Variants in ENOX1 observed in about 807,000 individuals in gnomAD.
The protein encoded by ENOX1 is ecto-NOX disulfide-thiol exchanger 1.
Under a neutral mutation model 82.5 loss-of-function variants are expected in ENOX1, and 42 were observed. That is an observed-to-expected ratio of 0.51 (90% CI 0.40 to 0.66). ENOX1 has a LOEUF of 0.66. ENOX1 is among the 30% of genes least tolerant of loss of function. ENOX1 has a pLI of 0.00. For synonymous variants in ENOX1, 271 were observed against 282.2 expected (o/e 0.96, Z 0.40); for missense variants, 608 against 811.6 (o/e 0.75, Z 3.05).
At chr13:43,626,975 C>G (rs1034355787) in intron 2 of ENOX1, among the ~76,000 whole-genome samples, 1 of 151,842 alleles carries the variant, frequency 6.6e-6, no homozygotes, top group African/African-American at 2.4e-5. Flanking sequence ...GCTGTTGTCT[C>G]GTGCATTAAC....
chr13:43,422,969 C>T (rs977533935), intron 3 of ENOX1, among the ~76,000 whole-genome samples: 5 of 152,158 alleles, frequency 3.3e-5, no homozygotes, highest in African/African-American at 1.2e-4. Flanking sequence ...GGCCTTGATG[C>T]TACTATGGTA....
Position 43,577,161 on chromosome 13 carries a change from T to G in ENOX1, c.-219+90318A>C, listed in dbSNP as rs576244491. ...TTTTCTTTTTTTTTGAGACAGAGTC[T>G]CGCTCAGTCGCCCAGGCTGGAGTGC... On this transcript the variant is annotated intron_variant, in intron 2 of 16. Transcript: ENST00000690772. Among the ~76,000 whole-genome samples, 5 of 152,046 alleles carry G rather than the reference T, an allele frequency of 3.3e-5. No individual in the cohort carries two copies. In the South Asian group the frequency reaches 1.0e-3, roughly 32 times the overall value.
At chr13:43,494,513 T>C (rs1019693284) in intron 2 of ENOX1, among the ~76,000 whole-genome samples, 1 of 152,342 alleles carries the variant, frequency 6.6e-6, no homozygotes. Flanking sequence ...AACTAACTTA[T>C]TGTTTACGAT....
chr13:43,460,742 A>G (rs9525779), intron 3 of ENOX1, among the ~76,000 whole-genome samples: 70,668 of 145,256 alleles, frequency 0.49, 17,474 homozygotes, highest in African/African-American at 0.54. Flanking sequence ...TGCAGTGGGC[A>G]GAGATCGCAC....
intron 2 of ENOX1, among the ~76,000 whole-genome samples, chr13:43,504,188 G>GCC (rs2077073861): frequency 6.6e-6 from 1 of 151,778 alleles, no homozygotes; most frequent in Non-Finnish European, 1.5e-5. Context: ...TGTTGGTGAG[G>GCC]ACACAGAGAA....
intron 12 of ENOX1, among the ~76,000 whole-genome samples, chr13:43,296,589 G>A (rs1486350714): frequency 6.6e-6 from 1 of 152,130 alleles, no homozygotes; most frequent in African/African-American, 2.4e-5. Flanking sequence ...TACTGACAAG[G>A]AGATTCTGAA....
chr13:43,711,016 C>T (rs182430770), intron 1 of ENOX1, among the ~76,000 whole-genome samples: 1 of 151,234 alleles, frequency 6.6e-6, no homozygotes, highest in Non-Finnish European at 1.5e-5. Context: ...GCTGCTGCAC[C>T]CACTAACTCA....
chr13:43,266,821 C>T (rs1317245377), intron 13 of ENOX1, among the ~76,000 whole-genome samples: 1 of 152,176 alleles, frequency 6.6e-6, no homozygotes, highest in Admixed American at 6.5e-5. Flanking sequence ...ACCTTAGGTC[C>T]TGTAGCTTGT....
intron 2 of ENOX1, among the ~76,000 whole-genome samples, chr13:43,515,154 C>T (rs1450623544): frequency 6.6e-6 from 1 of 152,140 alleles, no homozygotes; most frequent in East Asian, 1.9e-4. Flanking sequence ...AAACACAGGA[C>T]TTCTGAGTGC....
intron 1 of ENOX1, among the ~76,000 whole-genome samples, chr13:43,676,765 GT>G (rs1216467049): frequency 2.6e-5 from 4 of 152,302 alleles, no homozygotes; most frequent in African/African-American, 9.6e-5. Flanking sequence ...GGGAAAAGAA[GT>G]TTGAGATAGC....
intron 1 of ENOX1, among the ~76,000 whole-genome samples, chr13:43,757,795 T>G (rs1156829786): frequency 6.6e-6 from 1 of 152,206 alleles, no homozygotes; most frequent in Non-Finnish European, 1.5e-5. Context: ...TAGTACACTC[T>G]TGGTCATTTA....
intron 3 of ENOX1, among the ~76,000 whole-genome samples, chr13:43,432,621 C>T (rs1315119265): frequency 7.2e-5 from 11 of 151,972 alleles, no homozygotes; most frequent in Admixed American, 5.9e-4. Flanking sequence ...CCAGCCTGGG[C>T]AACAGAGTGA....
chr13:43,298,165 G>C (rs1198476120), intron 12 of ENOX1, among the ~76,000 whole-genome samples, 181 bp downstream of exon 12: 2 of 152,146 alleles, frequency 1.3e-5, no homozygotes, highest in Admixed American at 1.3e-4. Flanking sequence ...TATTGGCTTG[G>C]CTTTTCTCCA....
At chr13:43,688,889 A>G (rs1015855851) in intron 1 of ENOX1, among the ~76,000 whole-genome samples, 13 of 152,200 alleles carry the variant, frequency 8.5e-5, no homozygotes. Context: ...TCAGGAAAAA[A>G]GATCTGGGCT....
chr13:43,341,100 A>T (rs1211603077), intron 9 of ENOX1, among the ~76,000 whole-genome samples: 1 of 152,120 alleles, frequency 6.6e-6, no homozygotes, highest in Non-Finnish European at 1.5e-5. Flanking sequence ...GATCGAGACC[A>T]TCCTGGCTAA....
chr13:43,635,073 A>G (rs2153752330), intron 2 of ENOX1, among the ~76,000 whole-genome samples: 1 of 152,292 alleles, frequency 6.6e-6, no homozygotes. Flanking sequence ...AAGGGGAGAG[A>G]AAGGAATGAA....
intron 3 of ENOX1, among the ~76,000 whole-genome samples, chr13:43,474,733 C>A (rs1158880059): frequency 6.6e-6 from 1 of 152,046 alleles, no homozygotes; most frequent in Non-Finnish European, 1.5e-5. Flanking sequence ...AATCCAATAC[C>A]ATGACCAATC....
chr13:43,685,717 T>C (rs911846759), intron 1 of ENOX1, among the ~76,000 whole-genome samples: 1 of 152,128 alleles, frequency 6.6e-6, no homozygotes, highest in African/African-American at 2.4e-5. Flanking sequence ...TTTAGATGAC[T>C]GTAAGCTCAA....
At chr13:43,475,997 AATCTT>A (rs1241375545) in intron 3 of ENOX1, among the ~76,000 whole-genome samples, 1 of 152,036 alleles carries the variant, frequency 6.6e-6, no homozygotes, top group Non-Finnish European at 1.5e-5. Context: ...AGTTAACTCT[AATCTT>A]ATATTTGTTT....
Sources: gnomAD v4.1 joint callset for allele counts (sites outside exome capture counted in the v4.1 genomes callset) on GRCh38, gnomAD v4.1.1 for gene constraint, MANE v1.5 for transcripts, NCBI Gene and HGNC (gene_info 2026-07-23, HGNC 2026-07-21) for gene names.